CACNA2D1: variants seen among roughly 807,000 people sequenced by gnomAD.
The protein encoded by CACNA2D1 is calcium voltage-gated channel auxiliary subunit alpha2delta 1, also known as voltage-dependent calcium channel subunit alpha-2/delta-1.
CACNA2D1 carries 53 observed loss-of-function variants against 171.5 expected under a neutral mutation model. The observed-to-expected ratio is 0.31, with a 90% CI of 0.25 to 0.39. The LOEUF (loss-of-function observed/expected upper bound fraction) is 0.39. Ranked by LOEUF, CACNA2D1 falls within the 10% of genes least tolerant of loss-of-function variation. The pLI, the probability that CACNA2D1 is intolerant of heterozygous loss-of-function variation, is 1.00. For missense variants in CACNA2D1, 903 were observed against 1,299.8 expected, an observed-to-expected ratio of 0.69 and a Z score of 4.69; for synonymous variants, 442 against 443.1, an observed-to-expected ratio of 1.00 and a Z score of 0.03.
At chr7:82,425,620 C>A (rs1382790027) in intron 1 of CACNA2D1, among the ~76,000 whole-genome samples, 2 of 149,986 alleles carry the variant, frequency 1.3e-5, no homozygotes, top group Non-Finnish European at 3.0e-5. Flanking sequence ...TAGCTCACTG[C>A]AGCCCCAACG....
chr7:82,395,606 T>G (rs3801671), intron 1 of CACNA2D1, among the ~76,000 whole-genome samples: 1 of 152,142 alleles, frequency 6.6e-6, no homozygotes, highest in South Asian at 2.1e-4. Context: ...GGAACTGAAT[T>G]GAATATTATG....
chr7:82,335,601 G>A (rs1313048381), intron 2 of CACNA2D1, among the ~76,000 whole-genome samples: 1 of 152,106 alleles, frequency 6.6e-6, no homozygotes, highest in East Asian at 1.9e-4. Flanking sequence ...CTAGACAACA[G>A]AAGGCGAAAT....
chr7:82,412,343 C>T (rs559375996), intron 1 of CACNA2D1, among the ~76,000 whole-genome samples: 8 of 142,880 alleles, frequency 5.6e-5, no homozygotes, highest in Admixed American at 1.5e-4. Context: ...AGTGCAAAGA[C>T]ACAACCTCAG....
At chr7:82,084,969 T>C in intron 6 of CACNA2D1, 69 bp from the exon 7 acceptor site, 1 of 1,212,376 alleles carries the variant, frequency 8.2e-7, no homozygotes, top group Non-Finnish European at 1.2e-6. Flanking sequence ...CTTCATTTAT[T>C]TACAAAATAA....
intron 3 of CACNA2D1, among the ~76,000 whole-genome samples, chr7:82,180,750 G>A (rs1331842563): frequency 6.6e-6 from 1 of 152,034 alleles, no homozygotes; most frequent in East Asian, 1.9e-4. Context: ...ACAGATCCCA[G>A]AGAGGTTGCG....
At chr7:82,199,471 T>C (rs1585077563) in intron 3 of CACNA2D1, among the ~76,000 whole-genome samples, 2 of 152,268 alleles carry the variant, frequency 1.3e-5, no homozygotes, top group East Asian at 3.9e-4. Flanking sequence ...AAAGCTTTTA[T>C]TCTTTAATAA....
intron 6 of CACNA2D1, among the ~76,000 whole-genome samples, chr7:82,087,472 CATTCA>C (rs1176848793): frequency 2.6e-5 from 4 of 151,312 alleles, no homozygotes; most frequent in Non-Finnish European, 5.9e-5. Flanking sequence ...AAGAATCATT[CATTCA>C]ATTCCTTAAA....
chr7:82,176,267 A>C (rs974164271), intron 3 of CACNA2D1, among the ~76,000 whole-genome samples: 1 of 152,040 alleles, frequency 6.6e-6, no homozygotes, highest in Admixed American at 6.6e-5. Context: ...ATGAATATTG[A>C]GTATAATATT....
chr7:82,309,455 A>T (rs1311162950), intron 3 of CACNA2D1, among the ~76,000 whole-genome samples: 3 of 151,622 alleles, frequency 2.0e-5, no homozygotes, highest in Non-Finnish European at 4.4e-5. Context: ...AACTATACTA[A>T]ATATAATTCA....
chr7:82,107,819 G>C (rs993501603), intron 6 of CACNA2D1, among the ~76,000 whole-genome samples: 6 of 151,842 alleles, frequency 4.0e-5, no homozygotes, highest in Non-Finnish European at 7.4e-5. Context: ...CCTGACCTCA[G>C]ATGATCCGCC....
At chr7:81,958,017 G>T (rs1793632234) in intron 38 of CACNA2D1, among the ~76,000 whole-genome samples, 1 of 151,698 alleles carries the variant, frequency 6.6e-6, no homozygotes, top group South Asian at 2.1e-4. Context: ...TTCTTTGGGG[G>T]AATAATTTTA....
At chr7:82,348,291 T>C (rs887713714) in intron 2 of CACNA2D1, among the ~76,000 whole-genome samples, 6 of 152,176 alleles carry the variant, frequency 3.9e-5, no homozygotes, top group Non-Finnish European at 8.8e-5. Context: ...CATATTCTAA[T>C]ATAGTTTCCC....
At chr7:81,959,666 C>A (rs1283046807) in intron 37 of CACNA2D1, 54 bp downstream of exon 37, 2 of 1,538,786 alleles carry the variant, frequency 1.3e-6, no homozygotes, top group African/African-American at 1.4e-5. Context: ...TGACAAGATT[C>A]AAAATGCATT....
chr7:81,981,474 G>A (rs746337796), intron 24 of CACNA2D1, among the ~76,000 whole-genome samples: 34 of 152,092 alleles, frequency 2.2e-4, no homozygotes, highest in Non-Finnish European at 3.8e-4. Context: ...TATTCCCTAC[G>A]TTAAAGTAGA....
intron 3 of CACNA2D1, among the ~76,000 whole-genome samples, chr7:82,248,201 A>G (rs1410108265): frequency 6.6e-6 from 1 of 152,234 alleles, no homozygotes; most frequent in African/African-American, 2.4e-5. Flanking sequence ...GCATAAGGTT[A>G]ATGATGCCCA....
chr7:82,152,806 G>A lies in CACNA2D1; in HGVS notation c.355-16130C>T, dbSNP rs192307844. On this transcript the variant is annotated intron_variant, in intron 4 of 38. Transcript: ENST00000356860. ...TTTTCAAAACTGGAGTAACTCTTTA[G>A]TTAAATGCATTATATGTTTCGATGG... 1.1e-3 allele frequency among the ~76,000 whole-genome samples: 163 copies of A among 151,968 alleles called. 1 individual carries two copies. Among genetic ancestry groups the A allele is most frequent in the Non-Finnish European group, 2.1e-4 (14 of 67,908 alleles).
intron 6 of CACNA2D1, among the ~76,000 whole-genome samples, chr7:82,104,207 T>G (rs899716788): frequency 4.6e-5 from 7 of 152,018 alleles, no homozygotes; most frequent in Non-Finnish European, 1.0e-4. Context: ...CTTTTTTAAT[T>G]TAATGAATAA....
At chr7:82,207,411 T>C (rs1421350204) in intron 3 of CACNA2D1, among the ~76,000 whole-genome samples, 1 of 152,174 alleles carries the variant, frequency 6.6e-6, no homozygotes, top group Non-Finnish European at 1.5e-5. Context: ...AATGAGACAT[T>C]CACAATAAAA....
At chr7:82,209,393 G>A (rs569599117) in intron 3 of CACNA2D1, among the ~76,000 whole-genome samples, 1 of 152,276 alleles carries the variant, frequency 6.6e-6, no homozygotes, top group African/African-American at 2.4e-5. Context: ...ATTCCCAAGT[G>A]TGCAATTCAT....
Sources: allele counts gnomAD v4.1 joint callset (sites outside exome capture counted in the v4.1 genomes callset), GRCh38; gene constraint gnomAD v4.1.1; transcripts MANE v1.5; gene names NCBI Gene and HGNC (gene_info 2026-07-23, HGNC 2026-07-21).